The following ANK2 variants were observed in gnomAD, a reference collection of about 807,000 sequenced individuals.
ANK2 encodes ankyrin-2.
ANK2 carries 83 observed loss-of-function variants against 360.5 expected under a neutral mutation model. The ratio of observed to expected loss-of-function variants is 0.23; its 90% CI spans 0.19 to 0.28. The LOEUF (loss-of-function observed/expected upper bound fraction) is 0.28, where lower values mean the gene tolerates loss of function less well. Among genes scored for constraint, ANK2 ranks in the 10% least tolerant of loss-of-function variants. The pLI is 1.00. For synonymous variants in ANK2, 1,740 were observed against 1,759.5 expected (o/e 0.99, Z 0.28); for missense variants, 4,201 against 4,795.7 (o/e 0.88, Z 3.66).
rs188260275 is a variant in ANK2 at position 112,833,302 on chromosome 4, A to G, written c.-40+15038A>G. Among the ~76,000 whole-genome samples, 9 of 152,354 alleles carry G rather than the reference A, an allele frequency of 5.9e-5. No individual in the cohort carries two copies. In the East Asian group the frequency reaches 1.2e-3, roughly 20 times the overall value. On this transcript the variant is annotated intron_variant, in intron 1 of 30. Coordinates refer to the ANK2 transcript ENST00000503271. ...TAGTAGCTCTAAAATCTAGACCGCT[A>G]GAATATTGGATTGAACAGACAGCTG... is the stretch of plus-strand genomic sequence containing the variant.
intron 1 of ANK2, among the ~76,000 whole-genome samples, chr4:112,819,711 G>C (rs902424293): frequency 2.0e-5 from 3 of 152,140 alleles, no homozygotes; most frequent in African/African-American, 7.2e-5. Flanking sequence ...ACAGGTACAA[G>C]CCATATAAAA....
chr4:112,861,844 A>AGAGAGAGAGAGAGAGAGAGG (rs1231717446), intron 1 of ANK2, among the ~76,000 whole-genome samples: 1 of 146,490 alleles, frequency 6.8e-6, no homozygotes, highest in East Asian at 1.9e-4. Flanking sequence ...AGAGACAGAG[A>AGAGAGAGAGAGAGAGAGAGG]GAGAGAGAGA....
chr4:112,980,570 G>GA (rs1178745771), intron 2 of ANK2: 3 of 152,204 alleles, frequency 2.0e-5, no homozygotes, highest in East Asian at 3.9e-4. Context: ...TTCTGCTTGT[G>GA]AAAAAAGTAT....
At chr4:112,776,494 CT>C in the ANK2 span, among the ~76,000 whole-genome samples, 1 of 152,158 alleles carries the variant, frequency 6.6e-6, no homozygotes, top group Non-Finnish European at 1.5e-5. Flanking sequence ...TGTTACTTTC[CT>C]TCTGGAGTAG....
At chr4:113,340,027 G>A (rs547300621) in intron 32 of ANK2, among the ~76,000 whole-genome samples, 3 of 152,336 alleles carry the variant, frequency 2.0e-5, no homozygotes, top group Non-Finnish European at 4.4e-5. Context: ...TGCATGAATA[G>A]TTAAGTAATG....
At chr4:112,760,807 TC>T in the ANK2 span, among the ~76,000 whole-genome samples, 1 of 149,104 alleles carries the variant, frequency 6.7e-6, no homozygotes, top group Non-Finnish European at 1.5e-5. Flanking sequence ...TTCTTCTTCT[TC>T]TTTTTTTTTT....
intron 29 of ANK2, 88 bp downstream of exon 29, chr4:113,333,296 A>ATGTGTGTGTGTGTGTGTG (rs754068674): frequency 2.4e-5 from 33 of 1,387,350 alleles, no homozygotes; most frequent in Admixed American, 3.5e-5. Flanking sequence ...GGGTGTGTGT[A>ATGTGTGTGTGTGTGTGTG]TATGTGTGTG....
the ANK2 span, among the ~76,000 whole-genome samples, chr4:112,716,424 G>C: frequency 1.3e-5 from 2 of 152,040 alleles, no homozygotes; most frequent in Non-Finnish European, 2.9e-5. Flanking sequence ...ATCTCTAATG[G>C]TATAATGTTA....
chr4:113,289,935 G>T lies in ANK2; in HGVS notation c.2277+1449G>T, dbSNP rs539992300. On this transcript the variant is annotated intron_variant, in intron 20 of 45. Transcript: ENST00000357077. ...ATAAGCACTCCAGGAAAGACATTTTGGTTGGAATCCAAGTATTCTCTTGAA... is the reference window on the plus strand; with the variant it reads ...ATAAGCACTCCAGGAAAGACATTTTTGTTGGAATCCAAGTATTCTCTTGAA... 7.2e-5 allele frequency among the ~76,000 whole-genome samples: 11 copies of T among 152,224 alleles called. No homozygotes were observed. The South Asian group carries it at 2.1e-3, about 29-fold the overall frequency.
intron 2 of ANK2, among the ~76,000 whole-genome samples, chr4:112,958,445 A>C (rs10017914): frequency 0.34 from 51,586 of 151,834 alleles, 9,723 homozygotes; most frequent in African/African-American, 0.5. Context: ...AATACGAAAA[A>C]CAGCCAGGCG....
chr4:112,802,269 G>T, the ANK2 span, among the ~76,000 whole-genome samples: 3 of 152,254 alleles, frequency 2.0e-5, no homozygotes, highest in Non-Finnish European at 2.9e-5. Flanking sequence ...TGCTCTTCTT[G>T]CCAATCCTCC....
At chr4:113,186,096 C>T (rs541597058) in intron 2 of ANK2, among the ~76,000 whole-genome samples, 2 of 152,326 alleles carry the variant, frequency 1.3e-5, no homozygotes, top group African/African-American at 2.4e-5. Flanking sequence ...ACTCCCATGC[C>T]TCTTGACTGG....
the ANK2 span, among the ~76,000 whole-genome samples, chr4:112,749,562 A>T: frequency 1.2e-4 from 19 of 152,280 alleles, 1 homozygote; most frequent in South Asian, 2.3e-3. Flanking sequence ...TGGAGGGCTT[A>T]TGAGAGAGAT....
intron 1 of ANK2, among the ~76,000 whole-genome samples, chr4:113,069,332 G>A (rs1315491415): frequency 6.6e-6 from 1 of 152,134 alleles, no homozygotes; most frequent in Non-Finnish European, 1.5e-5. Flanking sequence ...TTATTGGCAC[G>A]AACTACCAAA....
At chr4:112,793,282 A>G in the ANK2 span, among the ~76,000 whole-genome samples, 1 of 152,170 alleles carries the variant, frequency 6.6e-6, no homozygotes, top group African/African-American at 2.4e-5. Flanking sequence ...AGAATTGCAC[A>G]TGTACCCCAT....
intron 23 of ANK2, 35 bp downstream of exon 23, chr4:113,302,874 C>T (rs2075630428): frequency 6.4e-7 from 1 of 1,560,288 alleles, no homozygotes; most frequent in Non-Finnish European, 8.8e-7. Flanking sequence ...TGACACCTGT[C>T]ATGTTCTTAC....
At chr4:113,239,999 T>C (rs1207668245) in intron 7 of ANK2, among the ~76,000 whole-genome samples, 2 of 152,206 alleles carry the variant, frequency 1.3e-5, no homozygotes, top group East Asian at 3.8e-4. Context: ...TGTAAGAATT[T>C]TTCAACATAT....
At chr4:112,870,758 T>C (rs947601210) in intron 1 of ANK2, among the ~76,000 whole-genome samples, 1 of 152,244 alleles carries the variant, frequency 6.6e-6, no homozygotes, top group Non-Finnish European at 1.5e-5. Context: ...TTTTCAAGAT[T>C]ATTTTAGCTA....
At chr4:112,955,635 G>A (rs1188029255) in intron 2 of ANK2, among the ~76,000 whole-genome samples, 1 of 151,694 alleles carries the variant, frequency 6.6e-6, no homozygotes, top group African/African-American at 2.4e-5. Flanking sequence ...CTAATATGAT[G>A]GGATTCTAGT....
Sources: allele counts gnomAD v4.1 joint callset (sites outside exome capture counted in the v4.1 genomes callset), GRCh38; gene constraint gnomAD v4.1.1; transcripts MANE v1.5; gene names NCBI Gene and HGNC (gene_info 2026-07-23, HGNC 2026-07-21).